GPC5: variants seen among roughly 807,000 people sequenced by gnomAD.
GPC5 encodes glypican-5.
GPC5 carries 47 observed loss-of-function variants against 53.9 expected under a neutral mutation model. The ratio of observed to expected loss-of-function variants is 0.87; its 90% CI spans 0.69 to 1.11. The LOEUF (loss-of-function observed/expected upper bound fraction) is 1.11, where lower values mean the gene tolerates loss of function less well. Ranked by LOEUF, GPC5 falls within the 50% of genes most tolerant of loss-of-function variation. The pLI, the probability that GPC5 is intolerant of heterozygous loss-of-function variation, is 0.00. For synonymous variants in GPC5, 286 were observed against 263.3 expected, an observed-to-expected ratio of 1.09 and a Z score of -0.84; for missense variants, 748 against 713.1, an observed-to-expected ratio of 1.05 and a Z score of -0.56.
In GPC5 at chr13:91,413,046, C is replaced by T. The variant is rs184200891; in HGVS notation, c.163+13837C>T. Among the ~76,000 whole-genome samples the T allele has an allele frequency of 3.1e-3, 476 of 152,212 alleles. 3 individuals are homozygous for T. The highest frequency in any genetic ancestry group is 6.8e-3 in the Middle Eastern group (2 of 294). On this transcript the variant is annotated intron_variant, in intron 1 of 7. Transcript: ENST00000377067. ...CCTGTAATCTGAGCACTTTGGGAGG[C>T]CAAGGCAGGAGGATTTCTTGAGCTC...
chr13:92,227,422 T>C (rs745620355), intron 7 of GPC5, among the ~76,000 whole-genome samples: 9 of 152,144 alleles, frequency 5.9e-5, no homozygotes, highest in Non-Finnish European at 1.0e-4. Context: ...GAAGGAAACA[T>C]TGCCTAACTC....
chr13:91,502,848 T>G (rs1884721835), intron 2 of GPC5, among the ~76,000 whole-genome samples: 2 of 152,172 alleles, frequency 1.3e-5, no homozygotes, highest in African/African-American at 4.8e-5. Context: ...AAGCTCAGAG[T>G]ATGTATAACA....
chr13:91,475,062 G>A (rs1378332499), intron 2 of GPC5, among the ~76,000 whole-genome samples: 1 of 152,136 alleles, frequency 6.6e-6, no homozygotes, highest in Non-Finnish European at 1.5e-5. Flanking sequence ...ATTCTGAGTA[G>A]ACTCACTTTA....
intron 7 of GPC5, among the ~76,000 whole-genome samples, chr13:92,408,245 G>T (rs1875879209): frequency 6.6e-6 from 1 of 152,198 alleles, no homozygotes. Context: ...TCATCCCCCA[G>T]ATGTCCAAGC....
chr13:92,664,558 A>G (rs1886507473), intron 7 of GPC5, among the ~76,000 whole-genome samples: 1 of 152,150 alleles, frequency 6.6e-6, no homozygotes, highest in African/African-American at 2.4e-5. Context: ...AGTTAATCAG[A>G]AAAAGCCTGT....
chr13:92,140,228 T>C (rs1346940091), intron 6 of GPC5, among the ~76,000 whole-genome samples: 2 of 152,194 alleles, frequency 1.3e-5, no homozygotes, highest in African/African-American at 2.4e-5. Context: ...AGACATAAAG[T>C]CATACAATTT....
chr13:91,956,219 C>A (rs1238426496), intron 6 of GPC5, among the ~76,000 whole-genome samples: 1 of 151,988 alleles, frequency 6.6e-6, no homozygotes, highest in Non-Finnish European at 1.5e-5. Context: ...TCTTGCCCAG[C>A]CTTGTGCACA....
At chr13:91,881,720 T>C (rs2039265632) in intron 5 of GPC5, among the ~76,000 whole-genome samples, 2 of 152,230 alleles carry the variant, frequency 1.3e-5, no homozygotes, top group African/African-American at 2.4e-5. Flanking sequence ...CATTAAACTC[T>C]GAGGATTCAA....
intron 5 of GPC5, among the ~76,000 whole-genome samples, chr13:91,905,170 C>T (rs982709070): frequency 1.3e-5 from 2 of 151,964 alleles, no homozygotes; most frequent in Non-Finnish European, 2.9e-5. Flanking sequence ...TATTCACTAT[C>T]ATTACAAATA....
chr13:91,750,101 A>G (rs968896099), intron 4 of GPC5, among the ~76,000 whole-genome samples: 1 of 152,132 alleles, frequency 6.6e-6, no homozygotes, highest in Non-Finnish European at 1.5e-5. Flanking sequence ...GTGACCCACC[A>G]TGCCTGGCCT....
intron 7 of GPC5, among the ~76,000 whole-genome samples, chr13:92,588,372 T>C (rs1883607748): frequency 6.6e-6 from 1 of 152,198 alleles, no homozygotes; most frequent in African/African-American, 2.4e-5. Flanking sequence ...ATAAAGAAAA[T>C]GCACATGTTT....
Position 92,293,428 on chromosome 13 carries a change from T to C in GPC5, c.1561+148439T>C, listed in dbSNP as rs9516051. 7.9e-4 allele frequency among the ~76,000 whole-genome samples: 94 copies of C among 119,210 alleles called. 1 individual carries two copies. Among genetic ancestry groups the C allele is most frequent in the Middle Eastern group, 4.5e-3 (1 of 222 alleles). 78.2% of individuals were successfully genotyped at this position (119,210 alleles called of 152,430 possible). ...AAGGTTGGTTGGTTGGTTTCTTTTT[T>C]TTTTTTTTTTTTTTTTTTTTTGGCA... On this transcript the variant is annotated intron_variant, in intron 7 of 7. Transcript: ENST00000377067.
At chr13:92,537,940 G>A (rs953718679) in intron 7 of GPC5, among the ~76,000 whole-genome samples, 3 of 151,850 alleles carry the variant, frequency 2.0e-5, no homozygotes, top group African/African-American at 7.3e-5. Flanking sequence ...TGAAAGGGTG[G>A]GATTTTAAGG....
chr13:92,549,503 C>G (rs1168878071), intron 7 of GPC5, among the ~76,000 whole-genome samples: 1 of 151,952 alleles, frequency 6.6e-6, no homozygotes, highest in East Asian at 1.9e-4. Flanking sequence ...GAGACTTGAG[C>G]CAAAGCCAAG....
At chr13:92,209,571 C>A (rs1726546984) in intron 7 of GPC5, among the ~76,000 whole-genome samples, 2 of 152,132 alleles carry the variant, frequency 1.3e-5, no homozygotes, top group African/African-American at 2.4e-5. Flanking sequence ...TGTTAATAAG[C>A]TTGCCCCTGA....
At chr13:92,264,375 G>C (rs35927186) in intron 7 of GPC5, among the ~76,000 whole-genome samples, 1 of 152,026 alleles carries the variant, frequency 6.6e-6, no homozygotes. Flanking sequence ...AGGCAAAAGA[G>C]AGGTGAGCCC....
chr13:91,825,673 C>G (rs1205469712), intron 5 of GPC5, among the ~76,000 whole-genome samples: 1 of 152,022 alleles, frequency 6.6e-6, no homozygotes, highest in Non-Finnish European at 1.5e-5. Flanking sequence ...GATTTGTGTT[C>G]ATGTGGCTTT....
intron 2 of GPC5, among the ~76,000 whole-genome samples, chr13:91,689,644 CT>C (rs1328133854): frequency 6.6e-6 from 1 of 150,590 alleles, no homozygotes; most frequent in Non-Finnish European, 1.5e-5. Context: ...ACTTTTTAAA[CT>C]TTTTTGTTAA....
chr13:91,524,328 T>A (rs1210383592), intron 2 of GPC5, among the ~76,000 whole-genome samples: 1 of 152,008 alleles, frequency 6.6e-6, no homozygotes, highest in African/African-American at 2.4e-5. Flanking sequence ...ACATGGGGTG[T>A]TTTTTTATGT....
Sources: gnomAD v4.1 joint callset for allele counts (sites outside exome capture counted in the v4.1 genomes callset) on GRCh38, gnomAD v4.1.1 for gene constraint, MANE v1.5 for transcripts, NCBI Gene and HGNC (gene_info 2026-07-23, HGNC 2026-07-21) for gene names.